HSD17B3: variants seen among roughly 807,000 people sequenced by gnomAD.
HSD17B3 encodes the protein 17-beta-hydroxysteroid dehydrogenase type 3.
Under a neutral mutation model 41.1 loss-of-function variants are expected in HSD17B3, and 29 were observed. That is an observed-to-expected ratio of 0.71 (90% CI 0.53 to 0.96). The LOEUF is 0.96. Among genes scored for constraint, HSD17B3 ranks in the 40% least tolerant of loss-of-function variants. HSD17B3 has a pLI of 0.00. For missense variants in HSD17B3, 323 were observed against 374.6 expected (o/e 0.86, Z 1.14); for synonymous variants, 126 against 145.6 (o/e 0.87, Z 0.97).
Position 96,235,379 on chromosome 9 carries a change from G to T in HSD17B3, c.*81C>A. On this transcript the variant is annotated 3_prime_UTR_variant, in exon 11 of 11. Coordinates refer to ENST00000375263, the MANE Select transcript of HSD17B3 (RefSeq NM_000197.2). ...TCCATCTTCAGCGGACTAGGTTGAA[G>T]TGCTGGTCTGCTCCTCTGGTCCTCT... 1.1e-6 allele frequency: 1 copy of T among 941,760 alleles called. No individual in the cohort carries two copies. The highest frequency in any genetic ancestry group is 2.0e-5 in the Admixed American group (1 of 50,720). The allele number at this position is 941,760 out of a possible 1,614,324, so 58.3% of individuals were successfully genotyped here. A position where few individuals can be genotyped will look rare whatever the true frequency, so the allele number is the denominator to read the frequency against.
rs1836195622 is a variant in HSD17B3, at chr9:96,235,446, T to A, written c.*14A>T. On this transcript the variant is annotated 3_prime_UTR_variant, in exon 11 of 11. Coordinates refer to ENST00000375263, the MANE Select transcript of HSD17B3 (RefSeq NM_000197.2). Reference sequence around the variant, plus strand: ...TGGTGAGGAAAAGGTTGTGCTGGACTCCTCACCGCCTGGCTACCTGACCTT... The same window carrying A: ...TGGTGAGGAAAAGGTTGTGCTGGACACCTCACCGCCTGGCTACCTGACCTT... The A allele has an allele frequency of 6.3e-7, 1 of 1,585,338 alleles. No homozygotes were observed. Among genetic ancestry groups the A allele is most frequent in the Admixed American group, 1.7e-5 (1 of 59,558 alleles).
intron 2 of HSD17B3, among the ~76,000 whole-genome samples, chr9:96,270,951 CT>C (rs1449073415): frequency 1.4e-5 from 1 of 72,486 alleles, no homozygotes; most frequent in Non-Finnish European, 2.9e-5. Flanking sequence ...CTCAAATCCT[CT>C]CGGGGGGGGG....
At chr9:96,277,226 A>T (rs1826500186) in intron 2 of HSD17B3, among the ~76,000 whole-genome samples, 1 of 151,812 alleles carries the variant, frequency 6.6e-6, no homozygotes, top group Non-Finnish European at 1.5e-5. Context: ...AAAATGCATC[A>T]AACTAAAAAG....
rs565364365 is a variant in HSD17B3 at position 96,255,637 on chromosome 9, G to A, written c.202-694C>T. ...ACTCCTGACCGCATGTGATCCGTCC[G>A]CCTCAGCCTCCCAAAGTGCTGGGAT... On this transcript the variant is annotated intron_variant, in intron 2 of 10. Transcript: ENST00000375263. Among the ~76,000 whole-genome samples, 26 of 152,136 alleles carry A rather than the reference G, an allele frequency of 1.7e-4. No homozygotes were observed. The South Asian group carries it at 5.4e-3, about 32-fold the overall frequency.
rs370307178 is a variant in HSD17B3, at chr9:96,249,742, A to G, written c.489+9T>C. ...GTTAATGCATTTCGCACATATATTG[A>G]TCACATACCTTGACTACGGAGGTGA... On this transcript the variant is annotated intron_variant, in intron 6 of 10. Coordinates refer to ENST00000375263, the MANE Select transcript of HSD17B3 (RefSeq NM_000197.2). 248 of 1,613,740 alleles carry G rather than the reference A, an allele frequency of 1.5e-4. No homozygotes were observed. The highest frequency in any genetic ancestry group is 2.0e-4 in the Non-Finnish European group (234 of 1,179,696).
rs749201281 is a variant in HSD17B3 at position 96,244,439 on chromosome 9, C to A, written c.607-45G>T. On this transcript the variant is annotated intron_variant, in intron 8 of 10. Transcript: ENST00000375263. ...CACCTGAGGCCCCAGAGTGAGCTCCCTCGTCAGAGCCAACTTCCTCTGACT... is the reference window on the plus strand; with the variant it reads ...CACCTGAGGCCCCAGAGTGAGCTCCATCGTCAGAGCCAACTTCCTCTGACT... 2.5e-6 allele frequency: 4 copies of A among 1,587,454 alleles called. No homozygotes were observed. The East Asian group carries it at 8.9e-5, about 35-fold the overall frequency.
At chr9:96,255,912 C>T (rs982607477) in intron 2 of HSD17B3, among the ~76,000 whole-genome samples, 2 of 152,144 alleles carry the variant, frequency 1.3e-5, no homozygotes, top group African/African-American at 2.4e-5. Context: ...TGGGGAGCTG[C>T]GTGCTTCACA....
intron 3 of HSD17B3, among the ~76,000 whole-genome samples, chr9:96,253,615 A>G (rs979662496): frequency 6.6e-6 from 1 of 152,236 alleles, no homozygotes; most frequent in Non-Finnish European, 1.5e-5. Flanking sequence ...TGCGCTCCCC[A>G]CTACTCTGTG....
intron 2 of HSD17B3, among the ~76,000 whole-genome samples, chr9:96,270,292 A>G (rs982438884): frequency 1.3e-5 from 2 of 151,942 alleles, no homozygotes; most frequent in African/African-American, 4.8e-5. Flanking sequence ...AGAGAGAGAC[A>G]GAGACAGAGA....
chr9:96,261,273 GC>G (rs1825847851), intron 2 of HSD17B3, among the ~76,000 whole-genome samples: 1 of 152,022 alleles, frequency 6.6e-6, no homozygotes, highest in Admixed American at 6.6e-5. Flanking sequence ...TTGGCTCACT[GC>G]AACCTCAGCC....
At position 96,251,358 on chromosome 9, in the gene HSD17B3, C is replaced by T; in HGVS notation, c.453+60G>A. On this transcript the variant is annotated intron_variant, in intron 5 of 10. Transcript: ENST00000375263. ...GCCTTCCCAGGCCTGACTCATTACCCAGCCAGGGGACCCAGAACCTGGATA... is the reference window on the plus strand; with the variant it reads ...GCCTTCCCAGGCCTGACTCATTACCTAGCCAGGGGACCCAGAACCTGGATA... The T allele has an allele frequency of 2.1e-6, 3 of 1,455,392 alleles. No homozygotes were observed. In the South Asian group the frequency reaches 3.4e-5, roughly 17 times the overall value. The allele number at this position is 1,455,392 out of a possible 1,614,324, so 90.2% of individuals were successfully genotyped here. A position where few individuals can be genotyped will look rare whatever the true frequency, so the allele number is the denominator to read the frequency against.
chr9:96,295,320 GTTTGTT>G (rs776971736), intron 2 of HSD17B3, among the ~76,000 whole-genome samples: 17 of 143,668 alleles, frequency 1.2e-4, no homozygotes, highest in Non-Finnish European at 1.9e-4. Flanking sequence ...GAGTTTTTTG[GTTTGTT>G]TTTGTTTTTG....
intron 2 of HSD17B3, among the ~76,000 whole-genome samples, chr9:96,269,929 A>G (rs1269186080): frequency 2.1e-5 from 3 of 141,316 alleles, no homozygotes; most frequent in Non-Finnish European, 3.1e-5. Flanking sequence ...AAAAAAAAAA[A>G]GCAGATTATA....
intron 10 of HSD17B3, among the ~76,000 whole-genome samples, chr9:96,238,059 C>T (rs1417888203): frequency 6.6e-6 from 1 of 152,140 alleles, no homozygotes; most frequent in African/African-American, 2.4e-5. Flanking sequence ...ATCTTGAGCC[C>T]AGGAGTTCAA....
chr9:96,278,165 A>T (rs983881754), intron 2 of HSD17B3, among the ~76,000 whole-genome samples: 1 of 152,194 alleles, frequency 6.6e-6, no homozygotes, highest in East Asian at 1.9e-4. Context: ...ACTAATAGAC[A>T]TAGTTAACAA....
At chr9:96,281,413 G>A (rs1351811890) in intron 2 of HSD17B3, among the ~76,000 whole-genome samples, 1 of 152,120 alleles carries the variant, frequency 6.6e-6, no homozygotes, top group Non-Finnish European at 1.5e-5. Flanking sequence ...AGGGGAGTTA[G>A]AGCCTCTCCT....
intron 2 of HSD17B3, among the ~76,000 whole-genome samples, 162 bp downstream of exon 2, chr9:96,298,254 G>A (rs1401902011): frequency 6.6e-6 from 1 of 152,144 alleles, no homozygotes; most frequent in Admixed American, 6.5e-5. Flanking sequence ...GAGATCCAGG[G>A]AGTGAGATTA....
intron 2 of HSD17B3, among the ~76,000 whole-genome samples, chr9:96,270,875 A>C (rs922159351): frequency 2.0e-5 from 3 of 148,946 alleles, no homozygotes; most frequent in Non-Finnish European, 4.5e-5. Context: ...ACATGTTTAC[A>C]CATATCAGAG....
intron 2 of HSD17B3, among the ~76,000 whole-genome samples, chr9:96,264,535 T>C (rs1475364863): frequency 1.3e-5 from 2 of 151,862 alleles, no homozygotes; most frequent in Non-Finnish European, 2.9e-5. Context: ...GGTTGGTTGG[T>C]TTGTTTGTTG....
Sources: allele counts gnomAD v4.1 joint callset (sites outside exome capture counted in the v4.1 genomes callset), GRCh38; gene constraint gnomAD v4.1.1; transcripts MANE v1.5; gene names NCBI Gene and HGNC (gene_info 2026-07-23, HGNC 2026-07-21).